RASSF2: variants seen among roughly 807,000 people sequenced by gnomAD.
RASSF2 encodes the protein ras association domain-containing protein 2.
RASSF2 carries 34 observed loss-of-function variants against 46.3 expected under a neutral mutation model. That is an observed-to-expected ratio of 0.73 (90% confidence interval 0.56 to 0.98). The LOEUF (loss-of-function observed/expected upper bound fraction) is 0.98, where lower values mean the gene tolerates loss of function less well. Ranked by LOEUF, RASSF2 falls within the 50% of genes least tolerant of loss-of-function variation. The pLI is 0.00. For missense variants in RASSF2, 364 were observed against 431.2 expected, an observed-to-expected ratio of 0.84 and a Z score of 1.38; for synonymous variants, 158 against 162.5, an observed-to-expected ratio of 0.97 and a Z score of 0.21.
Position 4,784,150 on chromosome 20 carries a change from G to T in RASSF2, c.*123C>A. On this transcript the variant is annotated 3_prime_UTR_variant, in exon 12 of 12. Transcript: ENST00000379400. ...ATCCAGCTCCAGGTAGCAAATGATG[G>T]CTTGGCCGGAGCTGGGGAGGTTTGT... 1 of 973,818 alleles carries T rather than the reference G, an allele frequency of 1.0e-6. No individual in the cohort carries two copies. The highest frequency in any genetic ancestry group is 1.6e-6 in the Non-Finnish European group (1 of 623,332). 60.3% of individuals were successfully genotyped at this position (973,818 alleles called of 1,614,324 possible). A position where few individuals can be genotyped will look rare whatever the true frequency, so the allele number is the denominator to read the frequency against.
At chr20:4,787,899 G>T in intron 9 of RASSF2, 145 bp from the exon 10 acceptor site, 2 of 1,056,236 alleles carry the variant, frequency 1.9e-6, no homozygotes, top group Non-Finnish European at 2.7e-6. Flanking sequence ...CATAGGTGTT[G>T]TGAAAAGCAA....
Position 4,795,851 on chromosome 20 carries a change from G to A in RASSF2, c.251C>T (p.Ser84Phe), listed in dbSNP as rs762107083. The change falls in exon 5 of 12, where the codon TCC becomes TTC. Residue 84 changes from serine (S) to phenylalanine (F), a missense_variant. Physicochemically the swap from Ser to Phe is radical, Grantham distance 155. Coordinates refer to ENST00000379400, the MANE Select transcript of RASSF2 (RefSeq NM_014737.3). This position sits in a 1 kb window ranked among gnomAD's most constrained non-coding sequence, Gnocchi z 4.0. Reference protein sequence around the residue: ...NERIRPPPSSSSWHSGCNLGA... With the variant: ...NERIRPPPSSFSWHSGCNLGA... Reference sequence around the variant, plus strand: ...CAGGTTACAGCCAGAGTGCCAGGAGGAGGAGGATGGAGGGGGTCGAATGCG... The same window carrying A: ...CAGGTTACAGCCAGAGTGCCAGGAGAAGGAGGATGGAGGGGGTCGAATGCG... 2.5e-6 allele frequency: 4 copies of A among 1,611,286 alleles called. No individual in the cohort carries two copies. In the East Asian group the frequency reaches 9.0e-5, roughly 36 times the overall value.
chr20:4,804,780 C>T (rs536377459), intron 2 of RASSF2, among the ~76,000 whole-genome samples: 80 of 152,052 alleles, frequency 5.3e-4, no homozygotes, highest in Non-Finnish European at 9.0e-4. Context: ...TCGTGCTTCA[C>T]GATGGTGGCT....
chr20:4,820,354 A>T (rs1275406512), intron 2 of RASSF2, among the ~76,000 whole-genome samples: 1 of 152,024 alleles, frequency 6.6e-6, no homozygotes, highest in Non-Finnish European at 1.5e-5. Flanking sequence ...AAAAATAAAA[A>T]TAAAAATTTA....
chr20:4,786,430 T>C (rs1925346449), intron 10 of RASSF2, 102 bp from the exon 11 acceptor site: 3 of 1,041,806 alleles, frequency 2.9e-6, no homozygotes, highest in Admixed American at 3.5e-5. Flanking sequence ...GGGAAGTCTA[T>C]TTTTTTCAGA....
At chr20:4,802,180 C>G (rs1275112938) in intron 2 of RASSF2, among the ~76,000 whole-genome samples, 1 of 151,516 alleles carries the variant, frequency 6.6e-6, no homozygotes, top group South Asian at 2.1e-4. Flanking sequence ...CCCTCGATCC[C>G]CCCGCCTCAG....
intron 11 of RASSF2, 96 bp downstream of exon 11, chr20:4,786,135 G>A: frequency 1.0e-6 from 1 of 993,156 alleles, no homozygotes; most frequent in Non-Finnish European, 1.6e-6. Flanking sequence ...TCAGGCCCAT[G>A]CAGCAGCTCA....
chr20:4,821,960 C>T (rs1432518328), intron 2 of RASSF2, among the ~76,000 whole-genome samples: 1 of 152,222 alleles, frequency 6.6e-6, no homozygotes, highest in African/African-American at 2.4e-5. Flanking sequence ...CACACTGTGT[C>T]CCTGGGACAC....
In RASSF2 at chr20:4,798,158, T is replaced by C. The variant is rs1601104450; in HGVS notation, c.60-73A>G. 2.1e-5 allele frequency: 33 copies of C among 1,572,226 alleles called. No homozygotes were observed. In the East Asian group the frequency reaches 7.4e-4, roughly 35 times the overall value. ...TTATAATGCAGTTGTTCCCTCTTTC[T>C]CTCACCTCTCACCTGGCCTTCAGTC... On this transcript the variant is annotated intron_variant, in intron 3 of 11. Transcript: ENST00000379400.
rs1162877829 is a variant in RASSF2, at chr20:4,780,905, G to A, written c.*3368C>T. 2 of 151,338 alleles carry A rather than the reference G, an allele frequency of 1.3e-5. No homozygotes were observed. Among genetic ancestry groups the A allele is most frequent in the African/African-American group, 2.4e-5 (1 of 41,016 alleles). The allele number at this position is 151,338 out of a possible 1,614,324, so 9.4% of individuals were successfully genotyped here. The stretch of plus-strand genomic sequence containing the variant: ...AATCACTTGAACCCCAGAGGCGGAT[G>A]TTGCAGTGAGCTGAGATCCCACCAC... On this transcript the variant is annotated 3_prime_UTR_variant, in exon 12 of 12. Coordinates refer to ENST00000379400, the MANE Select transcript of RASSF2 (RefSeq NM_014737.3).
At chr20:4,823,032 A>G (rs969195700) in intron 1 of RASSF2, among the ~76,000 whole-genome samples, 1 of 152,118 alleles carries the variant, frequency 6.6e-6, no homozygotes, top group African/African-American at 2.4e-5. Flanking sequence ...CCAAGCCACA[A>G]CTTTCTTCGG....
intron 1 of RASSF2, 76 bp from the exon 2 acceptor site, chr20:4,822,479 G>C (rs982170545): frequency 2.6e-4 from 39 of 152,314 alleles, no homozygotes; most frequent in African/African-American, 9.4e-4. Flanking sequence ...CAGAGGTGCT[G>C]TGGACAGCCC....
chr20:4,786,183 T>A, intron 11 of RASSF2, 48 bp downstream of exon 11: 1 of 1,459,126 alleles, frequency 6.9e-7, no homozygotes, highest in Non-Finnish European at 9.6e-7. Context: ...GGCCCCTCTG[T>A]TGAGGCCCCA....
chr20:4,809,980 T>A (rs1447758505), intron 2 of RASSF2, among the ~76,000 whole-genome samples: 1 of 152,226 alleles, frequency 6.6e-6, no homozygotes, highest in African/African-American at 2.4e-5. Flanking sequence ...CGTGTGCCGC[T>A]AAGACCCAGC....
chr20:4,796,399 C>A (rs1926357910), intron 4 of RASSF2, among the ~76,000 whole-genome samples: 1 of 152,170 alleles, frequency 6.6e-6, no homozygotes, highest in Non-Finnish European at 1.5e-5. Context: ...GCAATCCAAC[C>A]TGGTGGTTGA....
At chr20:4,804,353 CTTTTTTT>C (rs10659167) in intron 2 of RASSF2, among the ~76,000 whole-genome samples, 1 of 118,714 alleles carries the variant, frequency 8.4e-6, no homozygotes, top group Non-Finnish European at 1.7e-5. Flanking sequence ...AGAAAGCTTT[CTTTTTTT>C]TTTTTTTTTT....
At chr20:4,810,834 G>A (rs987706935) in intron 2 of RASSF2, among the ~76,000 whole-genome samples, 1 of 152,158 alleles carries the variant, frequency 6.6e-6, no homozygotes, top group Non-Finnish European at 1.5e-5. Flanking sequence ...GACAGGCTTG[G>A]GGAGGAGAGG....
chr20:4,787,798 C>G (rs1227652871), intron 9 of RASSF2, 44 bp from the exon 10 acceptor site: 1 of 1,607,008 alleles, frequency 6.2e-7, no homozygotes, highest in South Asian at 1.1e-5. Context: ...AGGCCTTTCT[C>G]ACATTAAGTA....
chr20:4,808,484 A>ATTT (rs1302937594), intron 2 of RASSF2, among the ~76,000 whole-genome samples: 1 of 113,430 alleles, frequency 8.8e-6, no homozygotes. Context: ...TTTTACACAA[A>ATTT]TCTTTTTTTT....
Sources: allele counts gnomAD v4.1 joint callset (sites outside exome capture counted in the v4.1 genomes callset), GRCh38; gene constraint gnomAD v4.1.1; non-coding constraint Gnocchi (gnomAD v3.1); transcripts MANE v1.5; gene names NCBI Gene and HGNC (gene_info 2026-07-23, HGNC 2026-07-21).